Variants in ADGRF1 observed in about 807,000 individuals in gnomAD.
The protein encoded by ADGRF1 is adhesion G protein-coupled receptor F1.
A neutral mutation model predicts 87.2 loss-of-function variants in ADGRF1; 85 were observed. The observed-to-expected ratio is 0.97, with a 90% CI of 0.82 to 1.17. The LOEUF is 1.17. ADGRF1 is among the 50% of genes most tolerant of loss of function. The pLI is 0.00. For synonymous variants in ADGRF1, 430 were observed against 408.8 expected (o/e 1.05, Z -0.63); for missense variants, 1,169 against 1,077.2 (o/e 1.09, Z -1.19).
chr6:47,034,438 A>G (rs886234262), intron 1 of ADGRF1, among the ~76,000 whole-genome samples: 6 of 152,222 alleles, frequency 3.9e-5, no homozygotes, highest in Admixed American at 2.6e-4. Context: ...GGTTCAGAAC[A>G]GAGGTATAAT....
At chr6:47,020,814 G>A (rs763279597) in intron 6 of ADGRF1, 25 bp from the exon 7 acceptor site, 1 of 1,574,756 alleles carries the variant, frequency 6.4e-7, no homozygotes, top group Admixed American at 1.7e-5. Context: ...AAAGAACAAT[G>A]TGTTAATTGT....
Position 47,008,992 on chromosome 6 carries a change from G to A in ADGRF1, c.2443C>T (p.Gln815Ter), listed in dbSNP as rs866397544. 6.2e-7 allele frequency: 1 copy of A among 1,610,812 alleles called. No homozygotes were observed. The highest frequency in any genetic ancestry group is 1.1e-5 in the South Asian group (1 of 90,864). The change falls in exon 11 of 15, where the codon CAG (glutamine) becomes TAG (stop). Residue 815 changes from glutamine to a stop codon, truncating the protein, a stop_gained. Transcript: ENST00000371253. LOFTEE classifies it high-confidence loss of function. The stretch of plus-strand genomic sequence containing the variant: ...AAAATAACATGCCAAGCCAGATTCT[G>A]GCTGTCCACTATTGTTCCTATTCCA... ...GFGIGTIVDS[Q>*]NLAWHVIFAL... is the part of the protein sequence containing the mutation.
chr6:47,004,466 T>C (rs1779457755), intron 13 of ADGRF1, among the ~76,000 whole-genome samples: 1 of 152,192 alleles, frequency 6.6e-6, no homozygotes, highest in Non-Finnish European at 1.5e-5. Context: ...TGCTTGATGT[T>C]AGAAACAGAG....
intron 5 of ADGRF1, among the ~76,000 whole-genome samples, chr6:47,022,908 C>A (rs1410279645): frequency 6.7e-6 from 1 of 149,706 alleles, no homozygotes; most frequent in African/African-American, 2.5e-5. Context: ...TGGGTTCAAG[C>A]AATCCTCTTC....
chr6:47,009,034 C>G lies in ADGRF1; in HGVS notation c.2401G>C (p.Gly801Arg), dbSNP rs1250089954. The G allele has an allele frequency of 3.1e-6, 5 of 1,613,970 alleles. No individual in the cohort carries two copies. The African/African-American group carries it at 6.7e-5, about 22-fold the overall frequency. The change falls in exon 11 of 15, where the codon GGG (glycine) becomes CGG (arginine). Residue 801 changes from glycine to arginine, a missense_variant. By Grantham distance (125) the Gly-to-Arg change is moderately radical. Transcript: ENST00000371253. ...CCTATTCCAAAGCCCCAGGTGAGCCCTAGCAGAGGGGTCAGAATGAGGAGG... is the reference window on the plus strand; with the variant it reads ...CCTATTCCAAAGCCCCAGGTGAGCCGTAGCAGAGGGGTCAGAATGAGGAGG... ...KSLLILTPLL[G>R]LTWGFGIGTI... is the part of the protein sequence containing the mutation.
chr6:47,026,410 G>A (rs912387553), intron 3 of ADGRF1, among the ~76,000 whole-genome samples: 19 of 150,356 alleles, frequency 1.3e-4, no homozygotes, highest in Non-Finnish European at 2.4e-4. Flanking sequence ...AGTATCTCCA[G>A]TATAAGACCC....
rs1410142049 is a variant in ADGRF1, at chr6:47,017,751, A to G, written c.612-983T>C. 3.3e-5 allele frequency: 5 copies of G among 152,282 alleles called. No homozygotes were observed. The East Asian group carries it at 9.6e-4, about 29-fold the overall frequency. 9.4% of individuals were successfully genotyped at this position (152,282 alleles called of 1,614,324 possible). A position where few individuals can be genotyped will look rare whatever the true frequency, so the allele number is the denominator to read the frequency against. On this transcript the variant is annotated intron_variant, in intron 7 of 14. Transcript: ENST00000371253. The stretch of plus-strand genomic sequence containing the variant: ...GTGAAGTTCTGGAATAGACTAAACT[A>G]ACCTGTGATGATAAAAATCATACAA...
chr6:47,025,744 T>C, intron 4 of ADGRF1, 110 bp downstream of exon 4: 1 of 1,020,466 alleles, frequency 9.8e-7, no homozygotes, highest in Non-Finnish European at 1.4e-6. Flanking sequence ...TTTATTCTTT[T>C]AAATCACAGA....
intron 1 of ADGRF1, among the ~76,000 whole-genome samples, chr6:47,036,046 C>CA (rs1439130219): frequency 4.6e-5 from 7 of 152,156 alleles, no homozygotes; most frequent in Admixed American, 4.6e-4. Flanking sequence ...GCCTGGGCAA[C>CA]ATGGTGAAAC....
intron 13 of ADGRF1, 54 bp from the exon 14 acceptor site, chr6:47,001,621 G>T: frequency 7.2e-7 from 1 of 1,390,536 alleles, no homozygotes; most frequent in Non-Finnish European, 1.0e-6. Context: ...TTTTACTGTT[G>T]GTCTGCATTT....
intron 1 of ADGRF1, among the ~76,000 whole-genome samples, chr6:47,038,243 T>C (rs1040783618): frequency 6.6e-6 from 1 of 152,226 alleles, no homozygotes; most frequent in African/African-American, 2.4e-5. Context: ...TTATTTTTAG[T>C]ACACTTAATT....
Position 47,018,622 on chromosome 6 carries a change from T to G in ADGRF1, c.612-1854A>C, listed in dbSNP as rs1449400566. On this transcript the variant is annotated intron_variant, in intron 7 of 14. Coordinates refer to ENST00000371253, the MANE Select transcript of ADGRF1 (RefSeq NM_153840.4). ...AGTAAATAGAGTGAGAGATTAAGAT[T>G]TATTTTAATCTGGGCATGGTGACTC... 6 of 1,286,060 alleles carry G rather than the reference T, an allele frequency of 4.7e-6. No homozygotes were observed. In the Admixed American group the frequency reaches 6.9e-5, roughly 15 times the overall value. The allele number at this position is 1,286,060 out of a possible 1,614,324, so 79.7% of individuals were successfully genotyped here. A position where few individuals can be genotyped will look rare whatever the true frequency, so the allele number is the denominator to read the frequency against.
intron 5 of ADGRF1, among the ~76,000 whole-genome samples, chr6:47,022,636 C>T (rs1780093878): frequency 1.3e-5 from 2 of 152,168 alleles, no homozygotes; most frequent in African/African-American, 4.8e-5. Context: ...CTCCCATCCT[C>T]TTACATATTC....
Position 47,009,157 on chromosome 6 carries a change from C to T in ADGRF1, c.2278G>A (p.Val760Ile), listed in dbSNP as rs1250523516. Reference protein sequence around the residue: ...PALAIVAVNFVVVLLVLTKLW... With the variant: ...PALAIVAVNFIVVLLVLTKLW... Reference sequence around the variant, plus strand: ...TTTGTGAGAACTAGCAGCACCACAACGAAGTTCACAGCCACAATAGCCAGT... The same window carrying T: ...TTTGTGAGAACTAGCAGCACCACAATGAAGTTCACAGCCACAATAGCCAGT... The change falls in exon 11 of 15, where the codon GTT becomes ATT. Residue 760 changes from valine to isoleucine, a missense_variant. Coordinates refer to ENST00000371253, the MANE Select transcript of ADGRF1 (RefSeq NM_153840.4). 3.1e-6 allele frequency: 5 copies of T among 1,614,166 alleles called. No individual in the cohort carries two copies. The highest frequency in any genetic ancestry group is 4.5e-5 in the East Asian group (2 of 44,878).
At chr6:47,019,439 T>G (rs1451625749) in intron 7 of ADGRF1, 8 of 897,442 alleles carry the variant, frequency 8.9e-6, no homozygotes, top group Non-Finnish European at 9.3e-6. Context: ...ATCCCAGCAC[T>G]TTGGGAAGCC....
intron 5 of ADGRF1, among the ~76,000 whole-genome samples, chr6:47,022,271 G>T (rs1314497920): frequency 6.6e-6 from 1 of 152,174 alleles, no homozygotes; most frequent in African/African-American, 2.4e-5. Context: ...GGGAAGTGCT[G>T]GTAATCAAGG....
Position 46,998,166 on chromosome 6 carries a change from A to G in ADGRF1, c.*2056T>C, listed in dbSNP as rs1779263329. 6.6e-6 allele frequency: 1 copy of G among 152,144 alleles called. No homozygotes were observed. Among genetic ancestry groups the G allele is most frequent in the East Asian group, 1.9e-4 (1 of 5,182 alleles). The allele number at this position is 152,144 out of a possible 1,614,324, so 9.4% of individuals were successfully genotyped here. On this transcript the variant is annotated 3_prime_UTR_variant, in exon 15 of 15. Transcript: ENST00000371253. ...TTCCCCAAGGTCCCCAAAAAAAGAA[A>G]TCTGTCTTATGAGATAGGGCTGCCT...
At position 47,029,045 on chromosome 6, in the gene ADGRF1, A is replaced by G. The variant is rs772763342; in HGVS notation, c.17T>C (p.Leu6Pro). Residue 6 changes from leucine (L) to proline (P), a missense_variant, in exon 2 of 15, where the codon CTG becomes CCG. By Grantham distance (98) the Leu-to-Pro change is moderately conservative. Transcript: ENST00000371253. ...GAAGGTGAAGAAAGAAATGAGCCAC[A>G]GCACTCCAACTTTCATTTTCCCTGG... MKVGV[L>P]WLISFFTFTD... 1.2e-6 allele frequency: 2 copies of G among 1,614,168 alleles called. No individual in the cohort carries two copies. The highest frequency in any genetic ancestry group is 8.5e-7 in the Non-Finnish European group (1 of 1,179,988).
chr6:47,038,776 C>A (rs1780661221), intron 1 of ADGRF1, among the ~76,000 whole-genome samples: 1 of 152,208 alleles, frequency 6.6e-6, no homozygotes, highest in Admixed American at 6.5e-5. Flanking sequence ...CTATCTACAT[C>A]TTTTACCAAT....
Sources: gnomAD v4.1 joint callset for allele counts (sites outside exome capture counted in the v4.1 genomes callset) on GRCh38, gnomAD v4.1.1 for gene constraint, MANE v1.5 for transcripts, NCBI Gene and HGNC (gene_info 2026-07-23, HGNC 2026-07-21) for gene names.